NTRK3: variants seen among roughly 807,000 people sequenced by gnomAD.
NTRK3 encodes the protein NT-3 growth factor receptor.
In NTRK3, 24 loss-of-function variants were observed where a neutral mutation model predicts 91.7. The ratio of observed to expected loss-of-function variants is 0.26; its 90% CI spans 0.19 to 0.37. The LOEUF (loss-of-function observed/expected upper bound fraction) is 0.37, where lower values mean the gene tolerates loss of function less well. Among genes scored for constraint, NTRK3 ranks in the 10% least tolerant of loss-of-function variants. The pLI is 1.00. For missense variants in NTRK3, 880 were observed against 1,068.9 expected, an observed-to-expected ratio of 0.82 and a Z score of 2.46; for synonymous variants, 483 against 404.0, an observed-to-expected ratio of 1.20 and a Z score of -2.34.
At chr15:88,164,771 T>C (rs1452205979) in intron 5 of NTRK3, among the ~76,000 whole-genome samples, 1 of 152,220 alleles carries the variant, frequency 6.6e-6, no homozygotes, top group African/African-American at 2.4e-5. Context: ...TCTCTGTTAC[T>C]GGCCTTATGA....
chr15:88,015,236 C>T (rs1596707483), intron 14 of NTRK3, among the ~76,000 whole-genome samples: 1 of 152,148 alleles, frequency 6.6e-6, no homozygotes, highest in African/African-American at 2.4e-5. Context: ...CAGTGACAAG[C>T]GTGATAAACA....
intron 13 of NTRK3, among the ~76,000 whole-genome samples, chr15:88,084,396 A>G (rs1476248175): frequency 6.6e-6 from 1 of 152,190 alleles, no homozygotes; most frequent in Non-Finnish European, 1.5e-5. Flanking sequence ...AGCTCCTCAG[A>G]GCCCACTTAG....
chr15:88,005,540 G>A (rs2076425257), intron 14 of NTRK3, among the ~76,000 whole-genome samples: 1 of 152,126 alleles, frequency 6.6e-6, no homozygotes, highest in South Asian at 2.1e-4. Flanking sequence ...CTCTCCCACT[G>A]CACTCTGTGT....
intron 3 of NTRK3, among the ~76,000 whole-genome samples, chr15:88,214,683 G>T (rs1264427500): frequency 2.3e-5 from 1 of 43,612 alleles, no homozygotes; most frequent in Non-Finnish European, 6.0e-5. Context: ...AAAACAGAGA[G>T]AATAAGGACA....
At chr15:87,974,727 G>C (rs921553711) in intron 14 of NTRK3, among the ~76,000 whole-genome samples, 7 of 152,140 alleles carry the variant, frequency 4.6e-5, no homozygotes, top group East Asian at 1.9e-4. Flanking sequence ...ACACCCCCAA[G>C]TCACTAAATG....
At chr15:87,928,077 T>G (rs2068480557) in intron 17 of NTRK3, 1 of 152,318 alleles carries the variant, frequency 6.6e-6, no homozygotes, top group African/African-American at 2.4e-5. Flanking sequence ...CCTCCCAGGT[T>G]CAAGAAATTC....
chr15:87,869,482 A>G, exon 19 of NTRK3: 1 of 219,088 alleles, frequency 4.6e-6, no homozygotes, highest in Non-Finnish European at 9.2e-6. Context: ...CATCCTGCCT[A>G]CAGGAAATGA....
chr15:88,152,174 G>A (rs956249997), intron 5 of NTRK3, among the ~76,000 whole-genome samples: 8 of 152,140 alleles, frequency 5.3e-5, no homozygotes, highest in East Asian at 1.9e-4. Flanking sequence ...GGTGGTGGGC[G>A]CCTGTAATCC....
intron 13 of NTRK3, among the ~76,000 whole-genome samples, chr15:88,045,810 C>A (rs185766418): frequency 6.6e-6 from 1 of 152,234 alleles, no homozygotes; most frequent in Admixed American, 6.5e-5. Context: ...CTCCGCTCAT[C>A]GCATGGCATC....
At chr15:88,057,502 GAA>G (rs34799886) in intron 13 of NTRK3, among the ~76,000 whole-genome samples, 3 of 140,090 alleles carry the variant, frequency 2.1e-5, no homozygotes, top group South Asian at 2.3e-4. Flanking sequence ...CCTCTAAAAA[GAA>G]AAAAAAAAAA....
At chr15:88,176,438 A>G (rs1196163966) in intron 5 of NTRK3, among the ~76,000 whole-genome samples, 5 of 152,114 alleles carry the variant, frequency 3.3e-5, no homozygotes, top group African/African-American at 9.7e-5. Context: ...CCCGGCCCAT[A>G]TGTCCCTTCT....
At chr15:87,904,783 T>C (rs2066659290) in intron 17 of NTRK3, among the ~76,000 whole-genome samples, 1 of 152,208 alleles carries the variant, frequency 6.6e-6, no homozygotes, top group Non-Finnish European at 1.5e-5. Context: ...TTCTCATCTT[T>C]ACCCTGATTC....
intron 14 of NTRK3, among the ~76,000 whole-genome samples, chr15:87,991,909 T>C (rs1055978707): frequency 6.6e-6 from 1 of 151,584 alleles, no homozygotes; most frequent in African/African-American, 2.4e-5. Context: ...ATCTCCCAGA[T>C]GCTGTTGTGA....
At chr15:88,135,938 C>T (rs1225253287) in exon 9 of NTRK3, 1 of 1,614,128 alleles carries the variant, frequency 6.2e-7, no homozygotes, top group Non-Finnish European at 8.5e-7. Flanking sequence ...CTCATGCCCA[C>T]CACGTTCTCT....
At position 87,898,678 on chromosome 15, in the gene NTRK3, A is replaced by T. The variant is rs180839112; in HGVS notation, c.2134-18250T>A. Among the ~76,000 whole-genome samples, 331 of 152,126 alleles carry T rather than the reference A, an allele frequency of 2.2e-3. 1 individual carries two copies. Among genetic ancestry groups the T allele is most frequent in the African/African-American group, 7.6e-3 (317 of 41,504 alleles). On this transcript the variant is annotated intron_variant, in intron 17 of 18. Coordinates refer to ENST00000394480, the Ensembl canonical transcript of NTRK3. The stretch of plus-strand genomic sequence containing the variant: ...ATCCCACCAGCTTTAAGATGATGGC[A>T]TTGGATCCTTGAATCAGGGATTCTA...
chr15:88,075,625 C>T (rs535247906), intron 13 of NTRK3, among the ~76,000 whole-genome samples: 1 of 152,014 alleles, frequency 6.6e-6, no homozygotes, highest in African/African-American at 2.4e-5. Flanking sequence ...GTTGTTGTTG[C>T]TGTATTTCTA....
chr15:88,167,014 C>A (rs1418876327), intron 5 of NTRK3, among the ~76,000 whole-genome samples: 1 of 152,182 alleles, frequency 6.6e-6, no homozygotes, highest in East Asian at 1.9e-4. Context: ...CAAGGACAAA[C>A]TTAAGACCCA....
chr15:88,182,424 C>G (rs1420001408), intron 5 of NTRK3, among the ~76,000 whole-genome samples: 1 of 152,192 alleles, frequency 6.6e-6, no homozygotes, highest in African/African-American at 2.4e-5. Flanking sequence ...TGCAATTTCT[C>G]TCCAGCCCAG....
intron 14 of NTRK3, among the ~76,000 whole-genome samples, chr15:88,021,613 C>A (rs1461924096): frequency 1.3e-5 from 2 of 151,944 alleles, no homozygotes; most frequent in African/African-American, 4.8e-5. Context: ...AATGCCTATT[C>A]GTATCCTTCA....
Sources: allele counts gnomAD v4.1 joint callset (sites outside exome capture counted in the v4.1 genomes callset), GRCh38; gene constraint gnomAD v4.1.1; transcripts MANE v1.5; gene names NCBI Gene and HGNC (gene_info 2026-07-23, HGNC 2026-07-21).